Variants in MITF observed in about 807,000 individuals in gnomAD.
The protein encoded by MITF is microphthalmia-associated transcription factor.
In MITF, 17 loss-of-function variants were observed where a neutral mutation model predicts 60.5. The observed-to-expected ratio is 0.28, with a 90% CI of 0.19 to 0.42. The LOEUF is 0.42. MITF is among the 10% of genes least tolerant of loss of function. The pLI is 1.00. For missense variants in MITF, 622 were observed against 683.5 expected (o/e 0.91, Z 1.00); for synonymous variants, 260 against 248.5 (o/e 1.05, Z -0.43).
intron 1 of MITF, among the ~76,000 whole-genome samples, chr3:69,842,204 T>C (rs145995469): frequency 6.6e-6 from 1 of 152,262 alleles, no homozygotes; most frequent in African/African-American, 2.4e-5. Flanking sequence ...CATATGTGTT[T>C]CTAAAAAATC....
intron 1 of MITF, among the ~76,000 whole-genome samples, chr3:69,844,763 A>G (rs2107153039): frequency 7.2e-6 from 1 of 139,318 alleles, no homozygotes; most frequent in East Asian, 1.9e-4. Flanking sequence ...AAGGAACTTA[A>G]ACAGCTTTTT....
chr3:69,939,114 A>T lies in MITF; in HGVS notation c.599A>T (p.Glu200Val). 1 of 1,614,060 alleles carries T rather than the reference A, an allele frequency of 6.2e-7. No individual in the cohort carries two copies. The highest frequency in any genetic ancestry group is 8.5e-7 in the Non-Finnish European group (1 of 1,180,002). The change falls in exon 4 of 10, where the codon GAA becomes GTA. Residue 200 changes from glutamate (E) to valine (V), a missense_variant. Physicochemically the swap from Glu to Val is moderately radical, Grantham distance 121. Transcript: ENST00000352241. ...TTTTTGCAGGGATTTTATAAGTTTG[A>T]AGAGCAAAACAGGGCAGAGAGCGAG... ...NCEKEGFYKF[E>V]EQNRAESECP...
At chr3:69,843,558 G>A (rs546738613) in intron 1 of MITF, among the ~76,000 whole-genome samples, 13 of 152,232 alleles carry the variant, frequency 8.5e-5, no homozygotes, top group African/African-American at 3.1e-4. Context: ...TCTTGTGGGT[G>A]TTACAATGTC....
chr3:69,931,543 T>C (rs2065722523), intron 2 of MITF, among the ~76,000 whole-genome samples: 1 of 152,194 alleles, frequency 6.6e-6, no homozygotes, highest in Admixed American at 6.5e-5. Context: ...ATAGGGCTAG[T>C]CTAGTCTATT....
At chr3:69,770,141 A>T (rs2062370617) in intron 1 of MITF, among the ~76,000 whole-genome samples, 1 of 152,166 alleles carries the variant, frequency 6.6e-6, no homozygotes, top group Admixed American at 6.5e-5. Flanking sequence ...TTGAAAAAAG[A>T]TTTCTTAGTA....
At chr3:69,904,814 A>G (rs184108149) in intron 2 of MITF, among the ~76,000 whole-genome samples, 2 of 152,214 alleles carry the variant, frequency 1.3e-5, no homozygotes, top group East Asian at 3.9e-4. Context: ...TCTACAAGTG[A>G]GATTTTTCTC....
chr3:69,861,660 G>T (rs763535878), intron 1 of MITF, among the ~76,000 whole-genome samples: 2 of 152,124 alleles, frequency 1.3e-5, no homozygotes, highest in African/African-American at 2.4e-5. Context: ...TGGAGTGAAC[G>T]CCTGGAAAGC....
chr3:69,913,597 C>T (rs1419117298), intron 2 of MITF, among the ~76,000 whole-genome samples: 6 of 152,182 alleles, frequency 3.9e-5, no homozygotes, highest in African/African-American at 1.4e-4. Flanking sequence ...CTGATCATCA[C>T]ACATAGTGAT....
chr3:69,950,564 A>ATG (rs770437888), intron 6 of MITF, among the ~76,000 whole-genome samples: 35 of 149,068 alleles, frequency 2.3e-4, no homozygotes, highest in Non-Finnish European at 3.9e-4. Flanking sequence ...ATATACATGG[A>ATG]TGTATGCATA....
intron 1 of MITF, among the ~76,000 whole-genome samples, chr3:69,844,706 T>C (rs2063699423): frequency 6.6e-6 from 1 of 151,690 alleles, no homozygotes; most frequent in African/African-American, 2.4e-5. Flanking sequence ...TGGGAGAAAA[T>C]TTTTGCAATC....
intron 1 of MITF, among the ~76,000 whole-genome samples, chr3:69,756,017 C>G (rs1361163000): frequency 6.6e-6 from 1 of 152,162 alleles, no homozygotes; most frequent in East Asian, 1.9e-4. Flanking sequence ...GGTATTGACT[C>G]TCTCATTGCC....
At chr3:69,815,419 C>G (rs1326780828) in intron 1 of MITF, among the ~76,000 whole-genome samples, 1 of 152,180 alleles carries the variant, frequency 6.6e-6, no homozygotes, top group Non-Finnish European at 1.5e-5. Context: ...CCTTCTCCCC[C>G]TCAGCCTACT....
At chr3:69,771,796 C>T (rs1199620202) in intron 1 of MITF, among the ~76,000 whole-genome samples, 1 of 152,096 alleles carries the variant, frequency 6.6e-6, no homozygotes, top group Non-Finnish European at 1.5e-5. Context: ...TAAAATGTGA[C>T]ATGGGGTTCA....
At chr3:69,781,219 T>C (rs1006586449) in intron 1 of MITF, among the ~76,000 whole-genome samples, 2 of 152,220 alleles carry the variant, frequency 1.3e-5, no homozygotes, top group African/African-American at 4.8e-5. Context: ...ACAGATCTTT[T>C]CTGCTTTGGG....
intron 6 of MITF, among the ~76,000 whole-genome samples, chr3:69,950,627 G>GTATATATATATATATATATA (rs143648888): frequency 4.6e-4 from 64 of 138,038 alleles, no homozygotes; most frequent in African/African-American, 1.7e-3. Context: ...TATATGGTGT[G>GTATATATATATATATATATA]TATATATATA....
At chr3:69,773,025 G>A (rs932319379) in intron 1 of MITF, among the ~76,000 whole-genome samples, 6 of 152,180 alleles carry the variant, frequency 3.9e-5, no homozygotes, top group Non-Finnish European at 5.9e-5. Context: ...GCATGGCTGG[G>A]TTTGGGGTGA....
intron 1 of MITF, among the ~76,000 whole-genome samples, chr3:69,826,023 G>A (rs980167002): frequency 2.0e-5 from 3 of 152,220 alleles, no homozygotes; most frequent in South Asian, 2.1e-4. Context: ...TTGTGCAGGT[G>A]CATCTTTTTA....
chr3:69,833,958 A>G (rs569676374), intron 1 of MITF, among the ~76,000 whole-genome samples: 1 of 152,336 alleles, frequency 6.6e-6, no homozygotes, highest in African/African-American at 2.4e-5. Flanking sequence ...TTGCCAGATT[A>G]AATATGGATA....
chr3:69,836,074 T>C (rs1182202247), intron 1 of MITF, among the ~76,000 whole-genome samples: 1 of 152,166 alleles, frequency 6.6e-6, no homozygotes, highest in Non-Finnish European at 1.5e-5. Flanking sequence ...GGATGGCCAT[T>C]TTAGCAATAT....
Sources: allele counts gnomAD v4.1 joint callset (sites outside exome capture counted in the v4.1 genomes callset), GRCh38; gene constraint gnomAD v4.1.1; transcripts MANE v1.5; gene names NCBI Gene and HGNC (gene_info 2026-07-23, HGNC 2026-07-21).